Variants in YOD1 observed in about 807,000 individuals in gnomAD.
The protein encoded by YOD1 is ubiquitin thioesterase OTU1.
YOD1 carries 17 observed loss-of-function variants against 23.7 expected under a neutral mutation model. That is an observed-to-expected ratio of 0.72 (90% CI 0.49 to 1.07). The LOEUF is 1.07. YOD1 is among the 50% of genes least tolerant of loss of function. YOD1 has a pLI of 0.00. For missense variants in YOD1, 413 were observed against 447.2 expected, an observed-to-expected ratio of 0.92 and a Z score of 0.69; for synonymous variants, 191 against 169.6, an observed-to-expected ratio of 1.13 and a Z score of -0.98.
rs1423556271 is a variant in YOD1 at position 207,049,874 on chromosome 1, A to G, written c.344-151T>C. 5.6e-6 allele frequency: 4 copies of G among 708,610 alleles called. No homozygotes were observed. The African/African-American group carries it at 7.2e-5, about 13-fold the overall frequency. 43.9% of individuals were successfully genotyped at this position (708,610 alleles called of 1,614,324 possible). ...ACAGTTTTGCAAGTAAGTTACCAGT[A>G]AGAATCTTTGTTCACTGAATTTTCA... On this transcript the variant is annotated intron_variant, in intron 1 of 1. Coordinates refer to ENST00000315927, the MANE Select transcript of YOD1 (RefSeq NM_018566.4).
At chr1:207,050,637 C>A (rs1301506054) in intron 1 of YOD1, 51 bp downstream of exon 1, 8 of 1,603,358 alleles carry the variant, frequency 5.0e-6, no homozygotes, top group Admixed American at 1.8e-5. Context: ...CTCTCTCACG[C>A]CCCTCTCCAT....
chr1:207,052,681 C>CA (rs370278480), upstream of YOD1, among the ~76,000 whole-genome samples: 102 of 151,762 alleles, frequency 6.7e-4, no homozygotes, highest in African/African-American at 2.2e-3. Flanking sequence ...CAAACCAAAA[C>CA]AAAAAAAACT....
rs1682630497 is a variant in YOD1, at chr1:207,047,641, CTT to C, written c.*1377_*1378del. On this transcript the variant is annotated 3_prime_UTR_variant, in exon 2 of 2. Transcript: ENST00000315927. ...AATAATTAAGAAAAGAGGTAGAAAA[CTT>C]TTATCTGGAAGATCTTGTAGTGAAG... 1 of 152,578 alleles carries C rather than the reference CTT, an allele frequency of 6.6e-6. No homozygotes were observed. The highest frequency in any genetic ancestry group is 1.5e-5 in the Non-Finnish European group (1 of 68,010). 9.5% of individuals were successfully genotyped at this position (152,578 alleles called of 1,614,324 possible). A position where few individuals can be genotyped will look rare whatever the true frequency, so the allele number is the denominator to read the frequency against.
Position 207,049,427 on chromosome 1 carries a change from T to C in YOD1, c.640A>G (p.Lys214Glu), listed in dbSNP as rs1682679305. 4 of 1,614,108 alleles carry C rather than the reference T, an allele frequency of 2.5e-6. No homozygotes were observed. The highest frequency in any genetic ancestry group is 3.4e-6 in the Non-Finnish European group (4 of 1,180,044). The change falls in exon 2 of 2, where the codon AAA becomes GAA. Residue 214 changes from lysine to glutamate, a missense_variant. Coordinates refer to ENST00000315927, the MANE Select transcript of YOD1 (RefSeq NM_018566.4). Reference protein sequence around the residue: ...KTNQEYCDWIKRDDTWGGAIE... With the variant: ...KTNQEYCDWIERDDTWGGAIE... ...GCTCCTCCCCAAGTGTCATCCCTTTTGATCCAGTCACAGTACTCTTGATTT... is the reference window on the plus strand; with the variant it reads ...GCTCCTCCCCAAGTGTCATCCCTTTCGATCCAGTCACAGTACTCTTGATTT...
rs747490516 is a variant in YOD1 at position 207,049,250 on chromosome 1, G to A, written c.817C>T (p.Arg273Cys). Residue 273 changes from arginine to cysteine, a missense_variant, in exon 2 of 2, where the codon CGT (arginine) becomes TGT (cysteine). Arg to Cys is a radical substitution (Grantham distance 180). Transcript: ENST00000315927. ...YDGIHYDPLQ[R>C]NFPDPDTPPL... ...GGTGTATCTGGATCAGGGAAGTTAC[G>A]CTGAAGTGGATCATAGTGGATGCCA... 4.3e-6 allele frequency: 7 copies of A among 1,613,974 alleles called. No homozygotes were observed. Among genetic ancestry groups the A allele is most frequent in the African/African-American group, 2.7e-5 (2 of 74,896 alleles).
At chr1:207,050,027 G>A (rs1170165859) in intron 1 of YOD1, among the ~76,000 whole-genome samples, 1 of 152,156 alleles carries the variant, frequency 6.6e-6, no homozygotes, top group Non-Finnish European at 1.5e-5. Flanking sequence ...TCCTTATACA[G>A]TATTTTACAG....
At chr1:207,050,407 GA>G (rs1240927745) in intron 1 of YOD1, among the ~76,000 whole-genome samples, 5 of 152,150 alleles carry the variant, frequency 3.3e-5, no homozygotes, top group African/African-American at 1.2e-4. Flanking sequence ...GACGCCGAGG[GA>G]AAACAAAATG....
intron 1 of YOD1, 127 bp downstream of exon 1, chr1:207,050,561 C>T: frequency 8.0e-7 from 1 of 1,252,954 alleles, no homozygotes; most frequent in South Asian, 1.4e-5. Flanking sequence ...TTTGATCTAT[C>T]CTCGCCCCTG....
At position 207,051,065 on chromosome 1, in the gene YOD1, C is replaced by A. The variant is rs950743300; in HGVS notation, c.-35G>T. On this transcript the variant is annotated 5_prime_UTR_variant, in exon 1 of 2. Coordinates refer to ENST00000315927, the MANE Select transcript of YOD1 (RefSeq NM_018566.4). Reference sequence around the variant, plus strand: ...TTGCGGGTGGTTGCAGTTATCGCGACGCTTCGGTGCGGCTTCTGCCTTAGT... The same window carrying A: ...TTGCGGGTGGTTGCAGTTATCGCGAAGCTTCGGTGCGGCTTCTGCCTTAGT... 13 of 1,467,128 alleles carry A rather than the reference C, an allele frequency of 8.9e-6. No homozygotes were observed. In the African/African-American group the frequency reaches 1.6e-4, roughly 18 times the overall value. 90.9% of individuals were successfully genotyped at this position (1,467,128 alleles called of 1,614,324 possible). A position where few individuals can be genotyped will look rare whatever the true frequency, so the allele number is the denominator to read the frequency against.
In YOD1 at chr1:207,047,799, T is replaced by G. The variant is rs148855767; in HGVS notation, c.*1221A>C. The G allele has an allele frequency of 0.016, 2,413 of 152,556 alleles. 25 individuals are homozygous for G. The highest frequency in any genetic ancestry group is 0.021 in the Non-Finnish European group (1,417 of 68,006). 9.5% of individuals were successfully genotyped at this position (152,556 alleles called of 1,614,324 possible). ...TTTACAATTTTTTCTATTTTGGAAG[T>G]GAAACTAGTTCATTCAACAGTATTA... On this transcript the variant is annotated 3_prime_UTR_variant, in exon 2 of 2. Coordinates refer to ENST00000315927, the MANE Select transcript of YOD1 (RefSeq NM_018566.4).
chr1:207,049,024 A>G lies in YOD1; in HGVS notation c.1043T>C (p.Val348Ala). The G allele has an allele frequency of 6.2e-7, 1 of 1,612,860 alleles. No individual in the cohort carries two copies. Among genetic ancestry groups the G allele is most frequent in the Non-Finnish European group, 8.5e-7 (1 of 1,179,372 alleles). The change falls in exon 2 of 2, where the codon GTG becomes GCG. Residue 348 changes from valine to alanine, a missense_variant. Coordinates refer to ENST00000315927, the MANE Select transcript of YOD1 (RefSeq NM_018566.4). ...KETGHTNFGE[V>A] is the part of the protein sequence containing the mutation. ...CAACCCTCATTCATGCATAGGTCAC[A>G]CTTCTCCAAAGTTGGTATGGCCTGT...
At chr1:207,050,614 C>T in intron 1 of YOD1, 74 bp downstream of exon 1, 1 of 1,589,758 alleles carries the variant, frequency 6.3e-7, no homozygotes, top group South Asian at 1.1e-5. Context: ...CTTGCCTTGA[C>T]TGGTGTTTTG....
At position 207,044,568 on chromosome 1, in the gene YOD1, A is replaced by G. The variant is rs1460310658; in HGVS notation, c.*4452T>C. On this transcript the variant is annotated 3_prime_UTR_variant, in exon 2 of 2. Coordinates refer to ENST00000315927, the MANE Select transcript of YOD1 (RefSeq NM_018566.4). ...ATTCCTAAACTCCTATATGTTGGTTAGTACTTTTAAAAACATATGTATAAA... is the reference window on the plus strand; with the variant it reads ...ATTCCTAAACTCCTATATGTTGGTTGGTACTTTTAAAAACATATGTATAAA... 6.6e-6 allele frequency: 1 copy of G among 152,462 alleles called. No individual in the cohort carries two copies. The highest frequency in any genetic ancestry group is 1.5e-5 in the Non-Finnish European group (1 of 67,984). 9.4% of individuals were successfully genotyped at this position (152,462 alleles called of 1,614,324 possible).
Position 207,047,732 on chromosome 1 carries a change from T to C in YOD1, c.*1288A>G, listed in dbSNP as rs766172650. Reference sequence around the variant, plus strand: ...AAGCAAATGGCTACACATCTAGTACTAGGAAGAAGCAGAATTCTGAGAAAG... The same window carrying C: ...AAGCAAATGGCTACACATCTAGTACCAGGAAGAAGCAGAATTCTGAGAAAG... On this transcript the variant is annotated 3_prime_UTR_variant, in exon 2 of 2. Transcript: ENST00000315927. 3.3e-4 allele frequency: 51 copies of C among 152,658 alleles called. No homozygotes were observed. The highest frequency in any genetic ancestry group is 4.9e-4 in the Non-Finnish European group (33 of 68,038). The allele number at this position is 152,658 out of a possible 1,614,324, so 9.5% of individuals were successfully genotyped here. A position where few individuals can be genotyped will look rare whatever the true frequency, so the allele number is the denominator to read the frequency against.
chr1:207,052,154 G>A (rs552727347), upstream of YOD1: 1 of 1,608,032 alleles, frequency 6.2e-7, no homozygotes, highest in African/African-American at 1.3e-5. Context: ...GGGCAACTAT[G>A]AAAAGTGTAG....
In YOD1 at chr1:207,044,616, A is replaced by G. The variant is rs1682549998; in HGVS notation, c.*4404T>C. ...AAAAGGGCATCATGGCAAAATGCTT[A>G]TAATTCATGGTTTCATACTTTAATG... is the stretch of plus-strand genomic sequence containing the variant. On this transcript the variant is annotated 3_prime_UTR_variant, in exon 2 of 2. Coordinates refer to ENST00000315927, the MANE Select transcript of YOD1 (RefSeq NM_018566.4). 4 of 152,328 alleles carry G rather than the reference A, an allele frequency of 2.6e-5. No homozygotes were observed. Among genetic ancestry groups the G allele is most frequent in the South Asian group, 2.1e-4 (1 of 4,832 alleles). 9.4% of individuals were successfully genotyped at this position (152,328 alleles called of 1,614,324 possible).
chr1:207,050,358 T>C (rs867635115), intron 1 of YOD1, among the ~76,000 whole-genome samples: 15 of 151,830 alleles, frequency 9.9e-5, no homozygotes, highest in African/African-American at 3.6e-4. Context: ...AAAAGAGACA[T>C]AAGGACAGAG....
In YOD1 at chr1:207,047,508, G is replaced by A. The variant is rs934197266; in HGVS notation, c.*1512C>T. 3.3e-5 allele frequency: 5 copies of A among 152,576 alleles called. No individual in the cohort carries two copies. Among genetic ancestry groups the A allele is most frequent in the Admixed American group, 3.3e-4 (5 of 15,280 alleles). The allele number at this position is 152,576 out of a possible 1,614,324, so 9.5% of individuals were successfully genotyped here. ...TTAAAGTATACCACTGAATTTCTAA[G>A]TGAGATACTTAATAAAAAAGAGACC... On this transcript the variant is annotated 3_prime_UTR_variant, in exon 2 of 2. Transcript: ENST00000315927.
chr1:207,049,041 A>G lies in YOD1; in HGVS notation c.1026T>C (p.His342=). Residue 342 remains histidine (H), a synonymous_variant, in exon 2 of 2, where the codon CAT becomes CAC. Transcript: ENST00000315927. ...TAGGTCACACTTCTCCAAAGTTGGT[A>G]TGGCCTGTCTCCTTGGCATGTTCCC... ...EAREHAKETG[H]TNFGEV 6.2e-7 allele frequency: 1 copy of G among 1,613,674 alleles called. No individual in the cohort carries two copies. Among genetic ancestry groups the G allele is most frequent in the Non-Finnish European group, 8.5e-7 (1 of 1,179,832 alleles).
Sources: allele counts gnomAD v4.1 joint callset (sites outside exome capture counted in the v4.1 genomes callset), GRCh38; gene constraint gnomAD v4.1.1; transcripts MANE v1.5; gene names NCBI Gene and HGNC (gene_info 2026-07-23, HGNC 2026-07-21).